NRG1: variants seen among roughly 807,000 people sequenced by gnomAD.
NRG1 encodes neuregulin 1, also known as pro-neuregulin-1, membrane-bound isoform.
Under a neutral mutation model 63.8 loss-of-function variants are expected in NRG1, and 18 were observed. The ratio of observed to expected loss-of-function variants is 0.28; its 90% CI spans 0.19 to 0.42. NRG1 has a LOEUF of 0.42. Among genes scored for constraint, NRG1 ranks in the 10% least tolerant of loss-of-function variants. The pLI, the probability that NRG1 is intolerant of heterozygous loss-of-function variation, is 1.00. For missense variants in NRG1, 762 were observed against 814.7 expected (o/e 0.94, Z 0.79); for synonymous variants, 302 against 301.3 (o/e 1.00, Z -0.02).
intron 1 of NRG1, among the ~76,000 whole-genome samples, chr8:32,060,152 T>C (rs1377944989): frequency 6.6e-6 from 1 of 152,014 alleles, no homozygotes; most frequent in Non-Finnish European, 1.5e-5. Context: ...ATTTATTTCT[T>C]ACACTATTCC....
intron 1 of NRG1, among the ~76,000 whole-genome samples, chr8:32,284,299 C>T (rs773421240): frequency 6.6e-6 from 1 of 152,102 alleles, no homozygotes; most frequent in Non-Finnish European, 1.5e-5. Context: ...CATGTCTCCT[C>T]CTAGTAATTT....
At chr8:32,451,316 A>G (rs1820916154) in intron 1 of NRG1, among the ~76,000 whole-genome samples, 1 of 152,136 alleles carries the variant, frequency 6.6e-6, no homozygotes, top group African/African-American at 2.4e-5. Context: ...AGTCACCATG[A>G]CATAGGCTCC....
exon 12 of NRG1, chr8:32,763,994 C>G (rs1369976522): frequency 2.5e-6 from 4 of 1,614,078 alleles, no homozygotes; most frequent in Non-Finnish European, 3.4e-6. Flanking sequence ...ACCACAACCC[C>G]GCGCATGACA....
At chr8:32,761,052 C>G in intron 11 of NRG1, 2 of 947,174 alleles carry the variant, frequency 2.1e-6, no homozygotes, top group Non-Finnish European at 2.5e-6. Context: ...GCCCTTTATT[C>G]CAGAATGTTT....
intron 1 of NRG1, among the ~76,000 whole-genome samples, chr8:32,193,116 T>C (rs758902639): frequency 2.6e-5 from 4 of 152,192 alleles, no homozygotes; most frequent in Non-Finnish European, 4.4e-5. Context: ...GTATTTTTCA[T>C]TGTTATTTGT....
chr8:32,054,345 A>C (rs1047677096), intron 1 of NRG1, among the ~76,000 whole-genome samples: 6 of 152,166 alleles, frequency 3.9e-5, no homozygotes, highest in African/African-American at 1.4e-4. Flanking sequence ...TGTATCCCCA[A>C]GGGTGTTGGC....
At position 32,559,772 on chromosome 8, in the gene NRG1, G is replaced by A. The variant is rs565222678; in HGVS notation, c.100+10946G>A. Reference sequence around the variant, plus strand: ...AGCACTTTGAGGGGCTGAGGTGGGAGCATCGCTTGAGCTCGAGTTCAAGAC... The same window carrying A: ...AGCACTTTGAGGGGCTGAGGTGGGAACATCGCTTGAGCTCGAGTTCAAGAC... On this transcript the variant is annotated intron_variant, in intron 1 of 11. Coordinates refer to ENST00000356819, the Ensembl canonical transcript of NRG1. Among the ~76,000 whole-genome samples the A allele has an allele frequency of 3.3e-5, 5 of 150,838 alleles. No homozygotes were observed. In the South Asian group the frequency reaches 1.0e-3, roughly 32 times the overall value.
chr8:32,567,302 C>A (rs1430615972), intron 1 of NRG1, among the ~76,000 whole-genome samples: 4 of 152,150 alleles, frequency 2.6e-5, no homozygotes, highest in African/African-American at 9.7e-5. Context: ...CTAAATATCT[C>A]AATGAAATGG....
intron 1 of NRG1, among the ~76,000 whole-genome samples, chr8:32,250,300 C>A (rs181936324): frequency 6.6e-6 from 1 of 151,896 alleles, no homozygotes; most frequent in Non-Finnish European, 1.5e-5. Flanking sequence ...AGGCTTTATT[C>A]TCTCTGTCTA....
intron 1 of NRG1, among the ~76,000 whole-genome samples, chr8:32,258,878 C>G (rs12680804): frequency 0.17 from 26,249 of 152,076 alleles, 2,588 homozygotes; most frequent in African/African-American, 0.25. Context: ...GGACCATCTG[C>G]CTCTGTAGTC....
chr8:31,934,876 A>G (rs929169755), intron 1 of NRG1, among the ~76,000 whole-genome samples: 2 of 152,194 alleles, frequency 1.3e-5, no homozygotes, highest in African/African-American at 4.8e-5. Context: ...GCTGCCTGGC[A>G]CATGTAGAGA....
chr8:32,110,669 T>G (rs796745064), intron 1 of NRG1, among the ~76,000 whole-genome samples: 7 of 152,268 alleles, frequency 4.6e-5, no homozygotes, highest in African/African-American at 1.7e-4. Flanking sequence ...GTCACTGATC[T>G]AAGGTTGAAT....
At chr8:32,260,511 C>G (rs889642526) in intron 1 of NRG1, among the ~76,000 whole-genome samples, 2 of 152,144 alleles carry the variant, frequency 1.3e-5, no homozygotes, top group African/African-American at 4.8e-5. Flanking sequence ...TCATCCTTTC[C>G]CTATCCCCAC....
At chr8:32,679,493 G>C (rs10105300) in intron 5 of NRG1, among the ~76,000 whole-genome samples, 1 of 151,944 alleles carries the variant, frequency 6.6e-6, no homozygotes, top group Non-Finnish European at 1.5e-5. Flanking sequence ...TAAGCATTTA[G>C]CTCTCTCAAA....
chr8:32,142,290 C>A (rs1159369475), intron 1 of NRG1, among the ~76,000 whole-genome samples: 1 of 152,128 alleles, frequency 6.6e-6, no homozygotes, highest in Non-Finnish European at 1.5e-5. Context: ...CCTGCTTTTT[C>A]ACTATTTCCA....
intron 1 of NRG1, among the ~76,000 whole-genome samples, chr8:32,506,990 A>G (rs936194075): frequency 6.6e-6 from 1 of 152,176 alleles, no homozygotes; most frequent in Non-Finnish European, 1.5e-5. Context: ...TAATTTATTG[A>G]ACAATGTATT....
chr8:32,605,502 A>G (rs1845113577), intron 2 of NRG1, 60 bp from the exon 3 acceptor site: 2 of 1,594,452 alleles, frequency 1.3e-6, no homozygotes, highest in Non-Finnish European at 8.6e-7. Flanking sequence ...AAAAGTATGT[A>G]TTTATATTTG....
intron 1 of NRG1, among the ~76,000 whole-genome samples, chr8:32,059,493 A>G (rs1478558737): frequency 1.3e-5 from 2 of 151,998 alleles, no homozygotes; most frequent in African/African-American, 4.8e-5. Flanking sequence ...ACTTCCTAAG[A>G]GAAAGCACAC....
chr8:32,599,001 G>T (rs1229882895), intron 2 of NRG1, among the ~76,000 whole-genome samples: 1 of 151,990 alleles, frequency 6.6e-6, no homozygotes, highest in Non-Finnish European at 1.5e-5. Flanking sequence ...TAGTGGTAAT[G>T]AATTGTTAAA....
Sources: gnomAD v4.1 joint callset for allele counts (sites outside exome capture counted in the v4.1 genomes callset) on GRCh38, gnomAD v4.1.1 for gene constraint, MANE v1.5 for transcripts, NCBI Gene and HGNC (gene_info 2026-07-23, HGNC 2026-07-21) for gene names.